The following IPCEF1 variants were observed in gnomAD, a reference collection of about 807,000 sequenced individuals.
IPCEF1 encodes the protein interaction protein for cytohesin exchange factors 1, also known as interactor protein for cytohesin exchange factors 1.
In IPCEF1, 31 loss-of-function variants were observed where a neutral mutation model predicts 50.9. The ratio of observed to expected loss-of-function variants is 0.61; its 90% CI spans 0.46 to 0.82. The LOEUF (loss-of-function observed/expected upper bound fraction) is 0.82. Ranked by LOEUF, IPCEF1 falls within the 40% of genes least tolerant of loss-of-function variation. The pLI, the probability that IPCEF1 is intolerant of heterozygous loss-of-function variation, is 0.00. For missense variants in IPCEF1, 458 were observed against 514.0 expected (o/e 0.89, Z 1.05); for synonymous variants, 181 against 192.0 (o/e 0.94, Z 0.47).
intron 3 of IPCEF1, among the ~76,000 whole-genome samples, chr6:154,254,501 A>T (rs1030024119): frequency 1.2e-4 from 19 of 152,358 alleles, no homozygotes; most frequent in South Asian, 2.1e-4. Context: ...AACTGCTCCC[A>T]TGATCCAATC....
chr6:154,235,693 AAAATACAC>A (rs1780076009), intron 5 of IPCEF1, among the ~76,000 whole-genome samples: 1 of 152,194 alleles, frequency 6.6e-6, no homozygotes, highest in African/African-American at 2.4e-5. Flanking sequence ...CTGTACTATT[AAAATACAC>A]CACCACCACC....
At chr6:154,264,588 G>A (rs1163448145) in intron 3 of IPCEF1, among the ~76,000 whole-genome samples, 1 of 152,068 alleles carries the variant, frequency 6.6e-6, no homozygotes, top group Non-Finnish European at 1.5e-5. Flanking sequence ...GGCCAAGCTG[G>A]TCTCAAATCT....
chr6:154,183,310 C>T (rs1489086861), intron 10 of IPCEF1, among the ~76,000 whole-genome samples: 1 of 152,192 alleles, frequency 6.6e-6, no homozygotes, highest in Non-Finnish European at 1.5e-5. Flanking sequence ...CGCTCTCATT[C>T]ACTTATCGCT....
At chr6:154,317,750 T>C (rs1783260158) in intron 1 of IPCEF1, among the ~76,000 whole-genome samples, 1 of 151,184 alleles carries the variant, frequency 6.6e-6, no homozygotes, top group African/African-American at 2.5e-5. Context: ...AAGATGAGAA[T>C]GTAAAAAGCT....
chr6:154,222,491 T>G (rs890546978), intron 6 of IPCEF1, among the ~76,000 whole-genome samples: 6 of 152,112 alleles, frequency 3.9e-5, no homozygotes, highest in African/African-American at 1.4e-4. Flanking sequence ...AAGGTGAAAA[T>G]GGACACATAC....
At chr6:154,197,772 T>A (rs1776732684) in intron 10 of IPCEF1, among the ~76,000 whole-genome samples, 1 of 152,328 alleles carries the variant, frequency 6.6e-6, no homozygotes, top group South Asian at 2.1e-4. Flanking sequence ...TGGGAAAGAA[T>A]GCAAATGGGA....
rs1414363661 is a variant in IPCEF1 at position 154,223,232 on chromosome 6, A to G, written c.258T>C (p.Ala86=). 2.5e-6 allele frequency: 4 copies of G among 1,612,962 alleles called. No homozygotes were observed. Among genetic ancestry groups the G allele is most frequent in the Non-Finnish European group, 3.4e-6 (4 of 1,179,708 alleles). Residue 86 remains alanine, a synonymous_variant, in exon 6 of 12, where the codon GCT becomes GCC. Transcript: ENST00000367220. ...AATCAGGCAGGTTGACAAATCCATC[A>G]GCTTTCTCTGCCTGAAACAAATATA... ...YWYSNQMAEK[A]DGFVNLPDFT...
chr6:154,334,734 A>T (rs1403612653), intron 1 of IPCEF1, among the ~76,000 whole-genome samples: 2 of 152,252 alleles, frequency 1.3e-5, no homozygotes, highest in African/African-American at 4.8e-5. Context: ...TGGACAGGCC[A>T]CTTAACTCTT....
chr6:154,188,139 A>C (rs1326061187), intron 10 of IPCEF1, among the ~76,000 whole-genome samples: 1 of 152,266 alleles, frequency 6.6e-6, no homozygotes, highest in Non-Finnish European at 1.5e-5. Flanking sequence ...TACTAGAATT[A>C]AAATGACAAT....
chr6:154,164,150 C>T lies in IPCEF1; in HGVS notation c.1104+3770G>A, dbSNP rs531580804. ...TTAGACATCTACTTCAAAGGAAGAT[C>T]CTAATTTTTCATATTAAAAAATTAA... On this transcript the variant is annotated intron_variant, in intron 11 of 11. Transcript: ENST00000367220. 1.1e-3 allele frequency among the ~76,000 whole-genome samples: 175 copies of T among 152,208 alleles called. 2 individuals are homozygous for T. In the Middle Eastern group the frequency reaches 0.017, roughly 15 times the overall value.
chr6:154,225,493 A>G (rs1165873340), intron 5 of IPCEF1, among the ~76,000 whole-genome samples: 2 of 152,246 alleles, frequency 1.3e-5, no homozygotes, highest in East Asian at 3.8e-4. Flanking sequence ...CAGACACAAA[A>G]GCTCATCTCT....
At chr6:154,213,079 A>G (rs1778099469) in intron 8 of IPCEF1, 3 of 513,426 alleles carry the variant, frequency 5.8e-6, no homozygotes, top group Admixed American at 6.4e-5. Context: ...TCCAATATGC[A>G]GGAAGAAGAC....
intron 5 of IPCEF1, among the ~76,000 whole-genome samples, chr6:154,232,897 A>G (rs1055098090): frequency 2.0e-5 from 3 of 152,184 alleles, no homozygotes; most frequent in East Asian, 1.9e-4. Flanking sequence ...GGAAAGCAGG[A>G]AAAGGGGTGA....
rs142878558 is a variant in IPCEF1, at chr6:154,255,140, AT to A, written c.37-7653del. ...TCAATCAGAAATCACAAGTTTTCCT[AT>A]TTCTGGGATCATCTTTCTTTCATTT... On this transcript the variant is annotated intron_variant, in intron 3 of 11. Transcript: ENST00000367220. 4.4e-3 allele frequency among the ~76,000 whole-genome samples: 665 copies of A among 152,146 alleles called. 3 individuals are homozygous for A. The highest frequency in any genetic ancestry group is 0.016 in the African/African-American group (646 of 41,500).
intron 9 of IPCEF1, among the ~76,000 whole-genome samples, chr6:154,206,704 G>C (rs1347689441): frequency 6.6e-6 from 1 of 152,192 alleles, no homozygotes; most frequent in Non-Finnish European, 1.5e-5. Context: ...TCTCATGAAG[G>C]AATCTACATC....
chr6:154,273,700 C>CTTTTTCTTTTTTCT (rs1583931582), intron 2 of IPCEF1, among the ~76,000 whole-genome samples: 1 of 29,370 alleles, frequency 3.4e-5, no homozygotes, highest in South Asian at 1.1e-3. Flanking sequence ...AAGCTTTTTT[C>CTTTTTCTTTTTTCT]TTTTTTTCTT....
At chr6:154,302,461 T>A (rs1221011736) in intron 1 of IPCEF1, among the ~76,000 whole-genome samples, 1 of 152,174 alleles carries the variant, frequency 6.6e-6, no homozygotes, top group Non-Finnish European at 1.5e-5. Context: ...TCTCTCCAAG[T>A]CCCAGCTTTT....
intron 9 of IPCEF1, among the ~76,000 whole-genome samples, chr6:154,208,528 T>C (rs1310876583): frequency 6.6e-6 from 1 of 152,226 alleles, no homozygotes; most frequent in African/African-American, 2.4e-5. Flanking sequence ...CTCCCTCAAC[T>C]AGAGGTTTGG....
At chr6:154,278,873 T>G (rs1027426264) in intron 2 of IPCEF1, among the ~76,000 whole-genome samples, 1 of 149,420 alleles carries the variant, frequency 6.7e-6, no homozygotes, top group Non-Finnish European at 1.5e-5. Flanking sequence ...CCCAGCACTT[T>G]GGGAGGCTAT....
Sources: gnomAD v4.1 joint callset for allele counts (sites outside exome capture counted in the v4.1 genomes callset) on GRCh38, gnomAD v4.1.1 for gene constraint, MANE v1.5 for transcripts, NCBI Gene and HGNC (gene_info 2026-07-23, HGNC 2026-07-21) for gene names.